Variants in RALGAPB observed in about 807,000 individuals in gnomAD.
RALGAPB encodes the protein Ral GTPase activating protein non-catalytic subunit beta, also known as ral GTPase-activating protein subunit beta.
RALGAPB carries 25 observed loss-of-function variants against 161.1 expected under a neutral mutation model. That is an observed-to-expected ratio of 0.16 (90% CI 0.11 to 0.22). The LOEUF (loss-of-function observed/expected upper bound fraction) is 0.22. RALGAPB is among the 10% of genes least tolerant of loss of function. RALGAPB has a pLI of 1.00. For missense variants in RALGAPB, 1,391 were observed against 1,815.2 expected, an observed-to-expected ratio of 0.77 and a Z score of 4.25; for synonymous variants, 629 against 626.1, an observed-to-expected ratio of 1.00 and a Z score of -0.07.
Position 38,531,506 on chromosome 20 carries a change from A to G in RALGAPB, c.2115+275A>G, listed in dbSNP as rs79941066. Among the ~76,000 whole-genome samples the G allele has an allele frequency of 2.3e-3, 352 of 152,318 alleles. 1 individual carries two copies. Among genetic ancestry groups the G allele is most frequent in the Non-Finnish European group, 4.3e-3 (291 of 68,028 alleles). ...TGAACAGTGTCTGCTTAAAACTGTT[A>G]CTTGTTTTGCTGTGGTGGCAAACTT... On this transcript the variant is annotated intron_variant, in intron 14 of 29. Coordinates refer to ENST00000262879, the MANE Select transcript of RALGAPB (RefSeq NM_020336.4).
chr20:38,559,173 C>T (rs1318046435), intron 23 of RALGAPB, among the ~76,000 whole-genome samples: 5 of 152,114 alleles, frequency 3.3e-5, no homozygotes, highest in Admixed American at 6.5e-5. Context: ...ACTGAAATAA[C>T]GAAGGTTAGT....
At chr20:38,543,118 C>T (rs2087029402) in intron 18 of RALGAPB, among the ~76,000 whole-genome samples, 1 of 152,158 alleles carries the variant, frequency 6.6e-6, no homozygotes, top group Non-Finnish European at 1.5e-5. Context: ...TCATCTGTTT[C>T]GCTTCAGCTG....
chr20:38,570,643 T>C lies in RALGAPB; in HGVS notation c.4064-126T>C, dbSNP rs1273808336. On this transcript the variant is annotated intron_variant, in intron 27 of 29. Coordinates refer to ENST00000262879, the MANE Select transcript of RALGAPB (RefSeq NM_020336.4). The stretch of plus-strand genomic sequence containing the variant: ...TTTGTAGAGAATAATTAAGATGATA[T>C]TTCAGGACAGCACAGTCCATATATT... 1.0e-5 allele frequency: 5 copies of C among 478,530 alleles called. No individual in the cohort carries two copies. The Admixed American group carries it at 1.5e-4, about 15-fold the overall frequency. 29.6% of individuals were successfully genotyped at this position (478,530 alleles called of 1,614,324 possible). A position where few individuals can be genotyped will look rare whatever the true frequency, so the allele number is the denominator to read the frequency against.
chr20:38,517,825 C>G lies in RALGAPB; in HGVS notation c.1242C>G (p.Ser414=), dbSNP rs762381967. Reference sequence around the variant, plus strand: ...CCTCTAAAGTTCAGCACCAGACGTCCTCCACCTCTCCTCTGTCAAGTCCAA... The same window carrying G: ...CCTCTAAAGTTCAGCACCAGACGTCGTCCACCTCTCCTCTGTCAAGTCCAA... ...AHASKVQHQT[S]STSPLSSPNQ... Residue 414 remains serine (S), a synonymous_variant, in exon 9 of 30, where the codon TCC becomes TCG. Coordinates refer to ENST00000262879, the MANE Select transcript of RALGAPB (RefSeq NM_020336.4). 1 of 1,613,894 alleles carries G rather than the reference C, an allele frequency of 6.2e-7. No homozygotes were observed. Among genetic ancestry groups the G allele is most frequent in the Admixed American group, 1.7e-5 (1 of 60,006 alleles).
At chr20:38,504,205 A>G (rs569162142) in intron 5 of RALGAPB, among the ~76,000 whole-genome samples, 16 of 152,356 alleles carry the variant, frequency 1.1e-4, no homozygotes, top group African/African-American at 3.6e-4. Flanking sequence ...ACAGTCACCA[A>G]AACAGCATGG....
intron 6 of RALGAPB, 113 bp downstream of exon 6, chr20:38,509,321 T>C: frequency 8.8e-7 from 1 of 1,138,850 alleles, no homozygotes; most frequent in Non-Finnish European, 1.3e-6. Flanking sequence ...GCCCCATTCA[T>C]CAAATGGAAT....
At chr20:38,521,900 T>C (rs985587927) in intron 10 of RALGAPB, among the ~76,000 whole-genome samples, 1 of 152,212 alleles carries the variant, frequency 6.6e-6, no homozygotes, top group Admixed American at 6.5e-5. Flanking sequence ...GTTTTAGAAG[T>C]GCTATTTATG....
chr20:38,535,330 T>C (rs2145358978), intron 16 of RALGAPB, 123 bp downstream of exon 16: 1 of 1,205,722 alleles, frequency 8.3e-7, no homozygotes, highest in Non-Finnish European at 1.1e-6. Context: ...GTTTATATTA[T>C]ATCCAAAGTG....
intron 1 of RALGAPB, among the ~76,000 whole-genome samples, chr20:38,473,948 G>A: frequency 6.6e-6 from 1 of 152,178 alleles, no homozygotes; most frequent in East Asian, 1.9e-4. Context: ...TCCAGCTTAA[G>A]TGTGCAGGAG....
chr20:38,485,522 G>A (rs964102303), intron 1 of RALGAPB, among the ~76,000 whole-genome samples: 3 of 152,044 alleles, frequency 2.0e-5, no homozygotes, highest in African/African-American at 7.3e-5. Context: ...CTGCCGCCTG[G>A]GTTCAAGCCT....
intron 20 of RALGAPB, among the ~76,000 whole-genome samples, chr20:38,549,785 CT>C (rs147052176): frequency 0.034 from 5,146 of 152,042 alleles, 134 homozygotes; most frequent in African/African-American, 0.073. Context: ...ATTTCCTTCC[CT>C]TTTTTTCTTT....
Position 38,570,011 on chromosome 20 carries a change from C to G in RALGAPB, c.4063+15C>G, listed in dbSNP as rs2088173062. 6.3e-7 allele frequency: 1 copy of G among 1,585,388 alleles called. No individual in the cohort carries two copies. The highest frequency in any genetic ancestry group is 1.3e-5 in the African/African-American group (1 of 74,206). On this transcript the variant is annotated intron_variant, in intron 27 of 29. Coordinates refer to ENST00000262879, the MANE Select transcript of RALGAPB (RefSeq NM_020336.4). ...TGATGATATAGGTACTGTATGAGGA[C>G]TTTGTCCATAAATAAAATGGCAATA...
At chr20:38,514,064 G>C (rs768941700) in intron 6 of RALGAPB, among the ~76,000 whole-genome samples, 2 of 152,120 alleles carry the variant, frequency 1.3e-5, no homozygotes, top group Non-Finnish European at 2.9e-5. Context: ...AGTTATTTTG[G>C]ATGGCAAAAA....
Position 38,553,953 on chromosome 20 carries a change from A to G in RALGAPB, c.3249A>G (p.Glu1083=). Residue 1083 remains glutamate, a synonymous_variant, in exon 22 of 30, where the codon GAA becomes GAG. Coordinates refer to ENST00000262879, the MANE Select transcript of RALGAPB (RefSeq NM_020336.4). ...EIHLEQQSEE[E]LQKRSFPDPV... ...ACCTTGAGCAACAGAGTGAGGAGGAATTGCAGAAGAGAAGTTTTCCTGACC... is the reference window on the plus strand; with the variant it reads ...ACCTTGAGCAACAGAGTGAGGAGGAGTTGCAGAAGAGAAGTTTTCCTGACC... 6.2e-7 allele frequency: 1 copy of G among 1,613,592 alleles called. No individual in the cohort carries two copies. The highest frequency in any genetic ancestry group is 8.5e-7 in the Non-Finnish European group (1 of 1,179,598).
chr20:38,572,490 C>A (rs1188847679), intron 28 of RALGAPB, among the ~76,000 whole-genome samples: 3 of 152,198 alleles, frequency 2.0e-5, no homozygotes, highest in African/African-American at 7.2e-5. Context: ...TGCATTGACC[C>A]TGCATCTCTC....
At chr20:38,476,731 C>G (rs936895219) in intron 1 of RALGAPB, among the ~76,000 whole-genome samples, 1 of 152,214 alleles carries the variant, frequency 6.6e-6, no homozygotes, top group Admixed American at 6.5e-5. Context: ...TTAGCCTCAT[C>G]TACCTTAAAC....
At chr20:38,574,073 G>A in intron 28 of RALGAPB, 77 bp from the exon 29 acceptor site, 1 of 1,433,260 alleles carries the variant, frequency 7.0e-7, no homozygotes, top group Non-Finnish European at 9.4e-7. Flanking sequence ...TAGGCTATAT[G>A]TGGGGGACTT....
chr20:38,475,088 T>A (rs2084765475), intron 1 of RALGAPB, among the ~76,000 whole-genome samples: 1 of 152,256 alleles, frequency 6.6e-6, no homozygotes, highest in Non-Finnish European at 1.5e-5. Context: ...TGATTTTTAA[T>A]GTCTGATTCT....
intron 18 of RALGAPB, among the ~76,000 whole-genome samples, chr20:38,545,843 C>T (rs527674690): frequency 8.5e-5 from 13 of 152,194 alleles, no homozygotes; most frequent in Admixed American, 2.0e-4. Flanking sequence ...GGGATAGAGA[C>T]GGTTGTCACA....
Sources: allele counts gnomAD v4.1 joint callset (sites outside exome capture counted in the v4.1 genomes callset), GRCh38; gene constraint gnomAD v4.1.1; transcripts MANE v1.5; gene names NCBI Gene and HGNC (gene_info 2026-07-23, HGNC 2026-07-21).